The following SUN1 variants were observed in gnomAD, a reference collection of about 807,000 sequenced individuals.
The protein encoded by SUN1 is Sad1 and UNC84 domain containing 1.
A neutral mutation model predicts 103.2 loss-of-function variants in SUN1; 61 were observed. That is an observed-to-expected ratio of 0.59 (90% confidence interval 0.48 to 0.73). SUN1 has a LOEUF of 0.73. SUN1 is among the 30% of genes least tolerant of loss of function. The pLI is 0.00. For missense variants in SUN1, 1,052 were observed against 1,034.6 expected, an observed-to-expected ratio of 1.02 and a Z score of -0.23; for synonymous variants, 490 against 425.7, an observed-to-expected ratio of 1.15 and a Z score of -1.86.
intron 15 of SUN1, among the ~76,000 whole-genome samples, chr7:863,696 C>T (rs1024238821): frequency 3.3e-5 from 5 of 152,184 alleles, no homozygotes; most frequent in African/African-American, 7.2e-5. Flanking sequence ...ATTATTGTGA[C>T]GGAAGGTCTG....
intron 13 of SUN1, among the ~76,000 whole-genome samples, chr7:859,152 CAAAAA>C (rs140482514): frequency 3.4e-5 from 3 of 88,698 alleles, no homozygotes; most frequent in East Asian, 3.1e-4. Context: ...GACTCCGTCT[CAAAAA>C]AAAAAAAAAA....
upstream of SUN1, chr7:832,384 T>G: frequency 1.2e-6 from 1 of 810,302 alleles, no homozygotes; most frequent in Non-Finnish European, 2.1e-6. Context: ...CCGTGTTTCC[T>G]GTGAGTTTTG....
chr7:835,494 A>T (rs1802175394), intron 1 of SUN1, among the ~76,000 whole-genome samples: 1 of 151,850 alleles, frequency 6.6e-6, no homozygotes, highest in Admixed American at 6.6e-5. Context: ...TTCACAATTA[A>T]TTTTTTTTTA....
chr7:864,135 G>A (rs1278327638), intron 15 of SUN1, among the ~76,000 whole-genome samples: 1 of 151,968 alleles, frequency 6.6e-6, no homozygotes, highest in African/African-American at 2.4e-5. Context: ...ATATTTATGG[G>A]GTATATATTT....
At chr7:839,845 C>A (rs982226267) in intron 2 of SUN1, among the ~76,000 whole-genome samples, 1 of 152,200 alleles carries the variant, frequency 6.6e-6, no homozygotes, top group Non-Finnish European at 1.5e-5. Flanking sequence ...TGAGCCACTG[C>A]GCCCGGCCCA....
In SUN1 at chr7:873,428, A is replaced by G. The variant is rs1842988726; in HGVS notation, c.*97A>G. 1.8e-6 allele frequency: 2 copies of G among 1,133,356 alleles called. No homozygotes were observed. Among genetic ancestry groups the G allele is most frequent in the South Asian group, 1.3e-5 (1 of 75,634 alleles). The allele number at this position is 1,133,356 out of a possible 1,614,324, so 70.2% of individuals were successfully genotyped here. ...ACGAGGGCATATACAATGATGGGAC[A>G]GTGCCACACTCCTTCAATAAACGTG... On this transcript the variant is annotated 3_prime_UTR_variant, in exon 19 of 19. Transcript: ENST00000401592.
At chr7:854,094 G>A (rs1461647661) in intron 10 of SUN1, among the ~76,000 whole-genome samples, 11 of 152,246 alleles carry the variant, frequency 7.2e-5, no homozygotes, top group African/African-American at 2.7e-4. Flanking sequence ...CTGCTTCAGA[G>A]GATGCCTTCT....
intron 1 of SUN1, chr7:817,161 T>C: frequency 2.1e-6 from 1 of 471,014 alleles, no homozygotes; most frequent in Non-Finnish European, 3.9e-6. Context: ...GGTCTCGCTG[T>C]GTTTCCCAGG....
chr7:852,329 G>A, intron 7 of SUN1: 2 of 595,722 alleles, frequency 3.4e-6, no homozygotes, highest in East Asian at 2.9e-5. Flanking sequence ...AGTTCCCAGT[G>A]GCATCAGTCA....
intron 1 of SUN1, chr7:817,330 C>T: frequency 4.1e-6 from 5 of 1,225,890 alleles, no homozygotes; most frequent in Admixed American, 2.0e-5. Context: ...CTCAAGCGAT[C>T]CCCTCGCCCC....
At chr7:863,349 C>T (rs1212109109) in intron 15 of SUN1, among the ~76,000 whole-genome samples, 3 of 152,136 alleles carry the variant, frequency 2.0e-5, no homozygotes, top group African/African-American at 7.2e-5. Context: ...GCCGCCCTCC[C>T]GAGCTCGCCC....
chr7:841,180 G>T (rs1325972605), intron 2 of SUN1, among the ~76,000 whole-genome samples: 1 of 150,918 alleles, frequency 6.6e-6, no homozygotes, highest in Non-Finnish European at 1.5e-5. Flanking sequence ...TGATCCGCCT[G>T]CCCCAGCCTC....
chr7:861,451 T>C lies in SUN1; in HGVS notation c.1851T>C (p.Ala617=), dbSNP rs1314891771. Residue 617 remains alanine (A), a synonymous_variant, in exon 15 of 19, where the codon GCT becomes GCC. Coordinates refer to ENST00000401592, the MANE Select transcript of SUN1 (RefSeq NM_001130965.3). ...SQDKTGMVDF[A]LESGGGSILS... Reference sequence around the variant, plus strand: ...ATAAGACCGGGATGGTGGACTTTGCTCTGGAATCTGGTGGTGAGTAAATAG... The same window carrying C: ...ATAAGACCGGGATGGTGGACTTTGCCCTGGAATCTGGTGGTGAGTAAATAG... 1 of 1,614,156 alleles carries C rather than the reference T, an allele frequency of 6.2e-7. No homozygotes were observed. The highest frequency in any genetic ancestry group is 1.7e-5 in the Admixed American group (1 of 60,014).
chr7:852,020 G>T lies in SUN1; in HGVS notation c.828G>T (p.Trp276Cys). The T allele has an allele frequency of 1.2e-6, 2 of 1,614,056 alleles. No individual in the cohort carries two copies. Among genetic ancestry groups the T allele is most frequent in the Non-Finnish European group, 1.7e-6 (2 of 1,179,970 alleles). Residue 276 changes from tryptophan to cysteine, a missense_variant, in exon 7 of 19, where the codon TGG becomes TGT. Around this residue, in one of 2 missense-constraint regions of SUN1, gnomAD observed 846 missense variants for 774.5 expected, o/e 1.09. Transcript: ENST00000401592. Reference sequence around the variant, plus strand: ...ACCAGTTTGTTACTTTGATTTCTTGGCTGAATGTGTTTCTTCTTACCAGGT... The same window carrying T: ...ACCAGTTTGTTACTTTGATTTCTTGTCTGAATGTGTTTCTTCTTACCAGGT... ...GWYQFVTLISWLNVFLLTRCL... is the reference protein window; with the variant it reads ...GWYQFVTLISCLNVFLLTRCL...
At chr7:852,586 A>C in intron 7 of SUN1, 23 bp from the exon 8 acceptor site, 1 of 1,614,114 alleles carries the variant, frequency 6.2e-7, no homozygotes, top group Non-Finnish European at 8.5e-7. Context: ...TTCTAAGTCA[A>C]AGGTTTTCAT....
At chr7:852,418 G>T in intron 7 of SUN1, 191 bp from the exon 8 acceptor site, 1 of 662,430 alleles carries the variant, frequency 1.5e-6, no homozygotes, top group Non-Finnish European at 2.6e-6. Flanking sequence ...AGTTGGTAAC[G>T]TAGGTCTCAA....
At position 821,410 on chromosome 7, in the gene SUN1, C is replaced by T. The variant is rs185544007; in HGVS notation, c.-74+4737C>T. Reference sequence around the variant, plus strand: ...ATCTTGATCTCTTGACCTCGTGATCCGCCCACCTCAGCCTCCCAAAGTGCT... The same window carrying T: ...ATCTTGATCTCTTGACCTCGTGATCTGCCCACCTCAGCCTCCCAAAGTGCT... On this transcript the variant is annotated intron_variant, in intron 1 of 17. Coordinates refer to the SUN1 transcript ENST00000389574. 3.4e-4 allele frequency among the ~76,000 whole-genome samples: 52 copies of T among 152,170 alleles called. No individual in the cohort carries two copies. The East Asian group carries it at 9.5e-3, about 28-fold the overall frequency.
At chr7:847,667 G>A (rs1817525686) in intron 5 of SUN1, among the ~76,000 whole-genome samples, 1 of 10,044 alleles carries the variant, frequency 1.0e-4, no homozygotes, top group Non-Finnish European at 2.1e-4. Context: ...ACCCCGCAGC[G>A]CCGTGCGCCA....
Position 843,757 on chromosome 7 carries a change from G to A in SUN1, c.658+237G>A, listed in dbSNP as rs143123285. 2.6e-4 allele frequency: 367 copies of A among 1,428,420 alleles called. No homozygotes were observed. The African/African-American group carries it at 4.8e-3, about 19-fold the overall frequency. The allele number at this position is 1,428,420 out of a possible 1,614,324, so 88.5% of individuals were successfully genotyped here. A position where few individuals can be genotyped will look rare whatever the true frequency, so the allele number is the denominator to read the frequency against. ...GAAATTCTATAAATTTGGACTTGAC[G>A]TGAGCAAAAGAAAATTTCTACGTAA... On this transcript the variant is annotated intron_variant, in intron 5 of 18. Transcript: ENST00000401592.
Sources: allele counts gnomAD v4.1 joint callset (sites outside exome capture counted in the v4.1 genomes callset), GRCh38; gene constraint gnomAD v4.1.1; regional missense constraint gnomAD v4.1.1; transcripts MANE v1.5; gene names NCBI Gene and HGNC (gene_info 2026-07-23, HGNC 2026-07-21).